The following GGA3 variants were observed in gnomAD, a reference collection of about 807,000 sequenced individuals.
GGA3 encodes golgi associated, gamma adaptin ear containing, ARF binding protein 3, also known as ADP-ribosylation factor-binding protein GGA3.
In GGA3, 57 loss-of-function variants were observed where a neutral mutation model predicts 77.5. The observed-to-expected ratio is 0.74, with a 90% CI of 0.59 to 0.92. The LOEUF (loss-of-function observed/expected upper bound fraction) is 0.92, where lower values mean the gene tolerates loss of function less well. Ranked by LOEUF, GGA3 falls within the 40% of genes least tolerant of loss-of-function variation. The probability of loss-of-function intolerance (pLI) is 0.00; values close to 1 mark genes in which losing one functional copy is unlikely to be tolerated. For synonymous variants in GGA3, 416 were observed against 383.7 expected, an observed-to-expected ratio of 1.08 and a Z score of -0.98; for missense variants, 970 against 914.9, an observed-to-expected ratio of 1.06 and a Z score of -0.78.
chr17:75,261,404 G>C (rs2145625872), intron 1 of GGA3, 144 bp downstream of exon 1: 1 of 547,860 alleles, frequency 1.8e-6, no homozygotes, highest in Non-Finnish European at 2.9e-6. Flanking sequence ...GAAGGGGCGT[G>C]ATCGCAGGCT....
intron 1 of GGA3, among the ~76,000 whole-genome samples, chr17:75,251,803 A>T (rs897765781): frequency 1.4e-5 from 2 of 145,638 alleles, no homozygotes; most frequent in Non-Finnish European, 3.0e-5. Context: ...ACAGGGTCTC[A>T]CTCTGTCACT....
upstream of GGA3, chr17:75,261,817 C>T (rs2077395113): frequency 1.4e-6 from 2 of 1,426,660 alleles, no homozygotes; most frequent in South Asian, 2.5e-5. Flanking sequence ...ATTTAGGACC[C>T]TGAGGAGTCT....
rs1326710128 is a variant in GGA3 at position 75,237,661 on chromosome 17, C to T, written c.*618G>A. 1.3e-6 allele frequency: 2 copies of T among 1,489,464 alleles called. No individual in the cohort carries two copies. Among genetic ancestry groups the T allele is most frequent in the Non-Finnish European group, 1.8e-6 (2 of 1,121,266 alleles). 92.3% of individuals were successfully genotyped at this position (1,489,464 alleles called of 1,614,324 possible). A position where few individuals can be genotyped will look rare whatever the true frequency, so the allele number is the denominator to read the frequency against. ...AGCCTGCCACTGCCAGGGACAAGCA[C>T]ACAACTCATCACTCCGTGGCCATTC... On this transcript the variant is annotated 3_prime_UTR_variant, in exon 17 of 17. Coordinates refer to ENST00000537686, the MANE Select transcript of GGA3 (RefSeq NM_138619.4).
At chr17:75,239,756 C>A in intron 13 of GGA3, 33 bp downstream of exon 13, 2 of 1,609,766 alleles carry the variant, frequency 1.2e-6, no homozygotes, top group Non-Finnish European at 1.7e-6. Flanking sequence ...AGGCCCAACC[C>A]TCAGCAACCC....
chr17:75,239,132 A>C, intron 14 of GGA3, 49 bp from the exon 15 acceptor site: 1 of 1,555,632 alleles, frequency 6.4e-7, no homozygotes, highest in Non-Finnish European at 8.8e-7. Flanking sequence ...AGAGACACCC[A>C]ACAGAGCCCC....
At position 75,237,047 on chromosome 17, in the gene GGA3, A is replaced by G. The variant is rs1231804440; in HGVS notation, c.*1232T>C. The G allele has an allele frequency of 4.8e-6, 1 of 209,736 alleles. No homozygotes were observed. The highest frequency in any genetic ancestry group is 8.8e-5 in the South Asian group (1 of 11,344). 13.0% of individuals were successfully genotyped at this position (209,736 alleles called of 1,614,324 possible). A position where few individuals can be genotyped will look rare whatever the true frequency, so the allele number is the denominator to read the frequency against. ...CTGAGCTTGTTCACCTGGGCTCCGC[A>G]AGCTTCCCCCGTGTCTATGGCAGCT... is the stretch of plus-strand genomic sequence containing the variant. On this transcript the variant is annotated 3_prime_UTR_variant, in exon 17 of 17. Coordinates refer to ENST00000537686, the MANE Select transcript of GGA3 (RefSeq NM_138619.4).
chr17:75,253,088 T>C (rs1426464159), intron 1 of GGA3, among the ~76,000 whole-genome samples: 2 of 152,184 alleles, frequency 1.3e-5, no homozygotes, highest in Non-Finnish European at 2.9e-5. Context: ...GGACCTCCCT[T>C]GGGAGATCAA....
chr17:75,239,228 CT>C, intron 14 of GGA3, 145 bp from the exon 15 acceptor site: 1 of 969,868 alleles, frequency 1.0e-6, no homozygotes. Flanking sequence ...CAGTGAGGAG[CT>C]TAAGACTGAG....
At chr17:75,249,543 C>A (rs1598424117) in intron 1 of GGA3, among the ~76,000 whole-genome samples, 1 of 152,206 alleles carries the variant, frequency 6.6e-6, no homozygotes, top group Admixed American at 6.5e-5. Flanking sequence ...GTCTCTCCCA[C>A]CAATTGTCTG....
chr17:75,243,688 G>A (rs1302381044), intron 4 of GGA3, 118 bp from the exon 5 acceptor site: 8 of 975,102 alleles, frequency 8.2e-6, no homozygotes, highest in Admixed American at 2.5e-5. Context: ...CTCAAAATCT[G>A]CAGGTGTCCA....
chr17:75,238,849 C>A, intron 15 of GGA3, 65 bp downstream of exon 15: 1 of 1,586,812 alleles, frequency 6.3e-7, no homozygotes. Flanking sequence ...CACCTGCTGG[C>A]TGCAAAGGCC....
In GGA3 at chr17:75,237,742, CT is replaced by C. The variant is rs2076369532; in HGVS notation, c.*536del. On this transcript the variant is annotated 3_prime_UTR_variant, in exon 17 of 17. Transcript: ENST00000537686. ...TGGGGACTTTGCAGTATGCCAGTTC[CT>C]TATTCTGGGCCAGGCACCTTCCTGG... 7.0e-7 allele frequency: 1 copy of C among 1,431,950 alleles called. No homozygotes were observed. The highest frequency in any genetic ancestry group is 1.4e-5 in the African/African-American group (1 of 69,662). The allele number at this position is 1,431,950 out of a possible 1,614,324, so 88.7% of individuals were successfully genotyped here. A position where few individuals can be genotyped will look rare whatever the true frequency, so the allele number is the denominator to read the frequency against.
intron 1 of GGA3, among the ~76,000 whole-genome samples, chr17:75,251,392 T>C (rs959243839): frequency 1.3e-5 from 2 of 151,440 alleles, no homozygotes; most frequent in African/African-American, 4.9e-5. Flanking sequence ...TTGGGCTAAT[T>C]TGGTACAGAA....
intron 3 of GGA3, among the ~76,000 whole-genome samples, chr17:75,245,511 C>T (rs951879771): frequency 1.3e-5 from 2 of 152,042 alleles, no homozygotes; most frequent in African/African-American, 4.8e-5. Context: ...TTGAGAATCA[C>T]TGGGTTTTGT....
At chr17:75,255,097 C>T (rs1234958326) in intron 1 of GGA3, among the ~76,000 whole-genome samples, 2 of 152,132 alleles carry the variant, frequency 1.3e-5, no homozygotes, top group Non-Finnish European at 2.9e-5. Flanking sequence ...AGATGCCGAG[C>T]TTTAGGTAAC....
rs374639246 is a variant in GGA3, at chr17:75,238,999, G to C, written c.1865C>G (p.Pro622Arg). 2 of 1,614,062 alleles carry C rather than the reference G, an allele frequency of 1.2e-6. No homozygotes were observed. Among genetic ancestry groups the C allele is most frequent in the Admixed American group, 3.3e-5 (2 of 60,026 alleles). ...GGACACCACCACCACCAGCACGTCA[G>C]GTCGTCCTGGGGGACACTCCTTGGC... ...HFAKECPPGR[P>R]DVLVVVVSML... is the part of the protein sequence containing the mutation. The change falls in exon 15 of 17, where the codon CCT becomes CGT. Residue 622 changes from proline (P) to arginine (R), a missense_variant. Physicochemically the swap from Pro to Arg is moderately radical, Grantham distance 103 (BLOSUM62 -2). Coordinates refer to ENST00000537686, the MANE Select transcript of GGA3 (RefSeq NM_138619.4).
At chr17:75,247,974 C>T (rs2145542841) in intron 1 of GGA3, among the ~76,000 whole-genome samples, 1 of 152,232 alleles carries the variant, frequency 6.6e-6, no homozygotes, top group South Asian at 2.1e-4. Context: ...AAGCACTCTC[C>T]AGCTGTTTGC....
chr17:75,243,225 C>A, intron 5 of GGA3, 59 bp from the exon 6 acceptor site: 1 of 1,320,798 alleles, frequency 7.6e-7, no homozygotes, highest in South Asian at 1.2e-5. Flanking sequence ...CACCCCTCCT[C>A]ATACACCAAG....
chr17:75,258,393 C>T (rs954974930), intron 1 of GGA3, among the ~76,000 whole-genome samples: 8 of 152,130 alleles, frequency 5.3e-5, no homozygotes, highest in African/African-American at 1.9e-4. Context: ...CTGGGCTGGG[C>T]GTGGTAGCTC....
Sources: allele counts gnomAD v4.1 joint callset (sites outside exome capture counted in the v4.1 genomes callset), GRCh38; gene constraint gnomAD v4.1.1; transcripts MANE v1.5; gene names NCBI Gene and HGNC (gene_info 2026-07-23, HGNC 2026-07-21).